Variants in RGPD1 observed in about 807,000 individuals in gnomAD.
The protein encoded by RGPD1 is RANBP2 like and GRIP domain containing 1.
RGPD1 carries 7 observed loss-of-function variants against 40.6 expected under a neutral mutation model. The observed-to-expected ratio is 0.17, with a 90% CI of 0.10 to 0.32. The LOEUF is 0.32. Ranked by LOEUF, RGPD1 falls within the 10% of genes least tolerant of loss-of-function variation. The pLI is 1.00. For missense variants in RGPD1, 50 were observed against 472.5 expected (o/e 0.11, Z 8.29); for synonymous variants, 24 against 167.0 (o/e 0.14, Z 6.60).
chr2:86,962,701 CA>C (rs891043994), intron 6 of RGPD1, among the ~76,000 whole-genome samples: 1 of 81,994 alleles, frequency 1.2e-5, no homozygotes, highest in Non-Finnish European at 2.3e-5. Context: ...GAAGAAACTA[CA>C]AAATAGTCTC....
intron 6 of RGPD1, among the ~76,000 whole-genome samples, chr2:86,960,078 G>A (rs1558807673): frequency 1.3e-5 from 1 of 74,168 alleles, no homozygotes; most frequent in Non-Finnish European, 2.5e-5. Flanking sequence ...GACAGCCCTT[G>A]GCCCTCAGAG....
intron 1 of RGPD1, among the ~76,000 whole-genome samples, chr2:86,942,853 G>A (rs1006529771): frequency 1.3e-5 from 2 of 151,488 alleles, no homozygotes; most frequent in African/African-American, 2.4e-5. Context: ...GGGGGACCGC[G>A]GTGGGCGGGA....
chr2:86,960,898 C>T (rs1680936870), intron 6 of RGPD1, among the ~76,000 whole-genome samples: 1 of 24,034 alleles, frequency 4.2e-5, no homozygotes, highest in Admixed American at 3.4e-4. Flanking sequence ...TGGTCTCGAT[C>T]TCTTGACCTC....
In RGPD1 at chr2:86,942,277, C is replaced by A. The variant is rs906339728; in HGVS notation, c.41C>A (p.Ser14Ter). 2 of 1,606,214 alleles carry A rather than the reference C, an allele frequency of 1.2e-6. No homozygotes were observed. Among genetic ancestry groups the A allele is most frequent in the Middle Eastern group, 2.3e-4 (1 of 4,426 alleles). Reference protein sequence around the residue: ...SKAYGERYVASVQGSAPSPGK... With the variant: ...SKAYGERYVA ...GCCTACGGGGAGCGGTACGTCGCCT[C>A]GGTGCAGGGCTCCGCCCCGTCGCCT... Residue 14 changes from serine (S) to a stop codon, truncating the protein, a stop_gained, in exon 1 of 23, where the codon TCG becomes TAG. Coordinates refer to ENST00000641458, the MANE Select transcript of RGPD1 (RefSeq NM_001382344.1). LOFTEE classifies it high-confidence loss of function.
rs1161040531 is a variant in RGPD1 at position 86,960,594 on chromosome 2, C to CT, written c.779+2180dup. 1.5e-3 allele frequency among the ~76,000 whole-genome samples: 193 copies of CT among 126,198 alleles called. 2 individuals are homozygous for CT. Among genetic ancestry groups the CT allele is most frequent in the African/African-American group, 5.0e-3 (136 of 26,946 alleles). The allele number at this position is 126,198 out of a possible 152,430, so 82.8% of individuals were successfully genotyped here. A position where few individuals can be genotyped will look rare whatever the true frequency, so the allele number is the denominator to read the frequency against. ...TCATGTTGGCCAGGATGGTCTCGATCTTTTTTTTTTTTTGAGACGGAGTCT... is the reference window on the plus strand; with the variant it reads ...TCATGTTGGCCAGGATGGTCTCGATCTTTTTTTTTTTTTTGAGACGGAGTCT... On this transcript the variant is annotated intron_variant, in intron 6 of 22. Coordinates refer to ENST00000641458, the MANE Select transcript of RGPD1 (RefSeq NM_001382344.1).
upstream of RGPD1, among the ~76,000 whole-genome samples, chr2:86,941,389 C>G (rs1679736103): frequency 6.7e-6 from 1 of 149,808 alleles, no homozygotes; most frequent in African/African-American, 2.5e-5. Context: ...TATTCCTTTT[C>G]CTTTTTTTTT....
intron 1 of RGPD1, among the ~76,000 whole-genome samples, chr2:86,925,177 G>T (rs917883931): frequency 2.6e-4 from 40 of 152,138 alleles, no homozygotes; most frequent in African/African-American, 8.9e-4. Context: ...ATGAGTTCTT[G>T]ACCATATTTT....
At chr2:86,936,706 C>T (rs1298174973) in intron 1 of RGPD1, among the ~76,000 whole-genome samples, 1 of 80,496 alleles carries the variant, frequency 1.2e-5, no homozygotes, top group Non-Finnish European at 2.2e-5. Context: ...AGGTTGGTCT[C>T]GAACTCCTGA....
chr2:86,928,650 G>A (rs1031600475), intron 1 of RGPD1, among the ~76,000 whole-genome samples: 4 of 152,168 alleles, frequency 2.6e-5, no homozygotes, highest in East Asian at 1.9e-4. Context: ...GTGGACAATG[G>A]GAGAATAGAA....
At chr2:86,944,381 C>G (rs1262287571) in intron 1 of RGPD1, among the ~76,000 whole-genome samples, 5 of 151,834 alleles carry the variant, frequency 3.3e-5, no homozygotes, top group Non-Finnish European at 4.4e-5. Flanking sequence ...CCTGTAACTC[C>G]TGAAATTAAA....
Position 86,923,400 on chromosome 2 carries a change from A to G in RGPD1, c.72+9479A>G, listed in dbSNP as rs531609527. 6.4e-3 allele frequency among the ~76,000 whole-genome samples: 969 copies of G among 151,912 alleles called. 11 individuals are homozygous for G. Among genetic ancestry groups the G allele is most frequent in the African/African-American group, 0.022 (901 of 41,316 alleles). On this transcript the variant is annotated intron_variant, in intron 1 of 22. Transcript: ENST00000398193. ...TTTTTAAATTGTGGTGTAATTTACA[A>G]AAATGAAATACATCTTGAGTTTACA...
chr2:86,942,393 G>T, intron 1 of RGPD1, 85 bp downstream of exon 1: 1 of 1,336,790 alleles, frequency 7.5e-7, no homozygotes, highest in Non-Finnish European at 9.7e-7. Context: ...CGACCTGGCC[G>T]GGCGGCGGCC....
At chr2:86,944,021 A>G (rs1309349616) in intron 1 of RGPD1, among the ~76,000 whole-genome samples, 1 of 152,050 alleles carries the variant, frequency 6.6e-6, no homozygotes, top group Non-Finnish European at 1.5e-5. Context: ...AAAAAAACAA[A>G]AAAAAACCAA....
At chr2:86,978,214 GC>G (rs1681355030) in intron 17 of RGPD1, among the ~76,000 whole-genome samples, 1 of 85,106 alleles carries the variant, frequency 1.2e-5, no homozygotes, top group Non-Finnish European at 2.3e-5. Context: ...AGAGTCACAC[GC>G]CACTAGGCCC....
intron 1 of RGPD1, among the ~76,000 whole-genome samples, chr2:86,924,667 A>G (rs1045305913): frequency 2.6e-5 from 4 of 151,354 alleles, no homozygotes; most frequent in South Asian, 4.2e-4. Context: ...AGGTCTTACT[A>G]TAATATGTTG....
At chr2:86,930,879 C>T (rs1437300952) in intron 1 of RGPD1, 217 of 595,836 alleles carry the variant, frequency 3.6e-4, no homozygotes, top group African/African-American at 3.4e-3. Context: ...ACCATCACTC[C>T]GCGGCCGGAG....
At chr2:87,009,022 A>T (rs979384410) in intron 22 of RGPD1, among the ~76,000 whole-genome samples, 13 of 150,176 alleles carry the variant, frequency 8.7e-5, no homozygotes, top group Non-Finnish European at 1.8e-4. Context: ...AAAGAGAAAG[A>T]AAGCCAGGCA....
chr2:86,942,782 G>T (rs1042134144), intron 1 of RGPD1, among the ~76,000 whole-genome samples: 3 of 151,700 alleles, frequency 2.0e-5, no homozygotes, highest in African/African-American at 7.2e-5. Flanking sequence ...CTGTTGAGGC[G>T]CCGGCCGGCT....
chr2:86,945,506 C>CTA (rs1313025322), intron 1 of RGPD1, among the ~76,000 whole-genome samples: 2 of 152,172 alleles, frequency 1.3e-5, no homozygotes, highest in African/African-American at 4.8e-5. Context: ...TCTAGAATGT[C>CTA]TGAGTTTTGG....
Sources: allele counts gnomAD v4.1 joint callset (sites outside exome capture counted in the v4.1 genomes callset), GRCh38; gene constraint gnomAD v4.1.1; transcripts MANE v1.5; gene names NCBI Gene and HGNC (gene_info 2026-07-23, HGNC 2026-07-21).